SLC2A13: variants seen among roughly 807,000 people sequenced by gnomAD.
The protein encoded by SLC2A13 is solute carrier family 2 member 13.
SLC2A13 carries 32 observed loss-of-function variants against 64.4 expected under a neutral mutation model. The ratio of observed to expected loss-of-function variants is 0.50; its 90% CI spans 0.37 to 0.67. The LOEUF (loss-of-function observed/expected upper bound fraction) is 0.67, where lower values mean the gene tolerates loss of function less well. Among genes scored for constraint, SLC2A13 ranks in the 30% least tolerant of loss-of-function variants. The pLI, the probability that SLC2A13 is intolerant of heterozygous loss-of-function variation, is 0.00. For missense variants in SLC2A13, 743 were observed against 829.2 expected (o/e 0.90, Z 1.28); for synonymous variants, 338 against 327.1 (o/e 1.03, Z -0.36).
chr12:39,798,373 C>A (rs148287146), intron 7 of SLC2A13, among the ~76,000 whole-genome samples: 1 of 152,122 alleles, frequency 6.6e-6, no homozygotes, highest in African/African-American at 2.4e-5. Context: ...TTTAGAGTCA[C>A]TTGTGGCATA....
intron 4 of SLC2A13, among the ~76,000 whole-genome samples, chr12:39,881,698 A>C (rs1944338961): frequency 6.6e-6 from 1 of 152,146 alleles, no homozygotes. Context: ...TAACCTTCTT[A>C]CACCTTGGAT....
intron 4 of SLC2A13, among the ~76,000 whole-genome samples, chr12:39,939,623 T>G (rs1027296116): frequency 2.6e-5 from 4 of 152,206 alleles, no homozygotes; most frequent in African/African-American, 9.6e-5. Context: ...CTAGATTGTC[T>G]TTCTTCAAAG....
rs532052300 is a variant in SLC2A13, at chr12:39,842,437, T to C, written c.1320-12209A>G. 1.3e-3 allele frequency among the ~76,000 whole-genome samples: 199 copies of C among 152,160 alleles called. 2 individuals are homozygous for C. The highest frequency in any genetic ancestry group is 4.4e-3 in the African/African-American group (183 of 41,554). On this transcript the variant is annotated intron_variant, in intron 6 of 9. Transcript: ENST00000280871. ...TTTAGTTTGTTGAAATGTAAAGTTA[T>C]GCCATTGAGAAAACTGATCAGCATA... is the stretch of plus-strand genomic sequence containing the variant.
At chr12:40,006,266 A>G (rs1292517598) in intron 3 of SLC2A13, among the ~76,000 whole-genome samples, 7 of 152,244 alleles carry the variant, frequency 4.6e-5, no homozygotes, top group Admixed American at 4.6e-4. Context: ...AAGCTGTAAC[A>G]GAGTGGCAAG....
chr12:39,827,039 C>T (rs1188779318), intron 7 of SLC2A13, among the ~76,000 whole-genome samples: 2 of 150,326 alleles, frequency 1.3e-5, no homozygotes, highest in Non-Finnish European at 3.0e-5. Context: ...TTAACTTTTG[C>T]ACCAGCCTGA....
chr12:39,775,129 A>AGAT (rs1940730482), intron 7 of SLC2A13, among the ~76,000 whole-genome samples: 1 of 152,230 alleles, frequency 6.6e-6, no homozygotes, highest in South Asian at 2.1e-4. Context: ...ATTTATCACA[A>AGAT]GATTAACATA....
chr12:39,937,638 C>T (rs950960084), intron 4 of SLC2A13, among the ~76,000 whole-genome samples: 1 of 152,100 alleles, frequency 6.6e-6, no homozygotes, highest in Non-Finnish European at 1.5e-5. Flanking sequence ...CCTGAGGCAC[C>T]TGAAACCTTA....
At chr12:40,040,446 G>A (rs1948066152) in intron 2 of SLC2A13, among the ~76,000 whole-genome samples, 2 of 152,202 alleles carry the variant, frequency 1.3e-5, no homozygotes, top group African/African-American at 4.8e-5. Context: ...AGGTTGGAGT[G>A]CAGTGGCGTG....
chr12:39,779,089 G>A (rs1940882504), intron 7 of SLC2A13, among the ~76,000 whole-genome samples: 1 of 152,174 alleles, frequency 6.6e-6, no homozygotes, highest in Non-Finnish European at 1.5e-5. Flanking sequence ...CTGGCCCCAA[G>A]GGCTGGCATA....
intron 3 of SLC2A13, among the ~76,000 whole-genome samples, chr12:39,987,115 A>G (rs970032566): frequency 2.6e-5 from 4 of 152,198 alleles, no homozygotes; most frequent in African/African-American, 7.2e-5. Flanking sequence ...GCCTAAGTTA[A>G]TCATAGCTCC....
intron 4 of SLC2A13, among the ~76,000 whole-genome samples, chr12:39,927,191 C>T (rs1945744861): frequency 6.6e-6 from 1 of 152,070 alleles, no homozygotes; most frequent in African/African-American, 2.4e-5. Flanking sequence ...CTTTTGAGTC[C>T]ACACCCATTC....
intron 3 of SLC2A13, among the ~76,000 whole-genome samples, chr12:39,960,177 G>A (rs917715185): frequency 1.3e-5 from 2 of 152,002 alleles, no homozygotes; most frequent in African/African-American, 4.8e-5. Context: ...TATTGATTCC[G>A]CAGTACCTGA....
intron 4 of SLC2A13, among the ~76,000 whole-genome samples, chr12:39,919,601 G>A (rs948088118): frequency 1.3e-5 from 2 of 151,968 alleles, no homozygotes; most frequent in African/African-American, 4.8e-5. Flanking sequence ...CATGTTCTGA[G>A]AATACTGTAT....
chr12:39,871,873 A>G lies in SLC2A13; in HGVS notation c.1123T>C (p.Phe375Leu). The G allele has an allele frequency of 6.2e-7, 1 of 1,612,384 alleles. No individual in the cohort carries two copies. The highest frequency in any genetic ancestry group is 8.5e-7 in the Non-Finnish European group (1 of 1,179,292). ...CAGACTCCCACAAGTGTGAAAATGA[A>G]ATTTGTGAAGGCTGTAACTGAAGCC... ...WLASVTAFTN[F>L]IFTLVGVWLV... The change falls in exon 5 of 10, where the codon TTC (phenylalanine) becomes CTC (leucine). Residue 375 changes from phenylalanine (F) to leucine (L), a missense_variant. Phe to Leu is a conservative substitution (Grantham distance 22, BLOSUM62 0). Transcript: ENST00000280871.
intron 1 of SLC2A13, among the ~76,000 whole-genome samples, chr12:40,088,327 G>A (rs1938653737): frequency 6.6e-6 from 1 of 152,146 alleles, no homozygotes; most frequent in South Asian, 2.1e-4. Context: ...TATTTTAACT[G>A]CTCTCTCTAA....
intron 7 of SLC2A13, among the ~76,000 whole-genome samples, chr12:39,825,333 C>A (rs1371955906): frequency 2.6e-5 from 4 of 152,046 alleles, no homozygotes; most frequent in African/African-American, 9.7e-5. Flanking sequence ...AATTCTAATG[C>A]CTGATTTGTC....
intron 6 of SLC2A13, among the ~76,000 whole-genome samples, chr12:39,860,757 G>T (rs893302405): frequency 6.6e-6 from 1 of 152,004 alleles, no homozygotes; most frequent in African/African-American, 2.4e-5. Context: ...AATACACTGA[G>T]AATCTGTCTA....
intron 1 of SLC2A13, among the ~76,000 whole-genome samples, chr12:40,101,581 A>G (rs1011738572): frequency 1.3e-5 from 2 of 152,218 alleles, no homozygotes; most frequent in African/African-American, 2.4e-5. Context: ...AAACCCTCAC[A>G]TCTCAGATTC....
At chr12:40,063,434 C>T (rs1324834776) in intron 1 of SLC2A13, among the ~76,000 whole-genome samples, 1 of 149,744 alleles carries the variant, frequency 6.7e-6, no homozygotes, top group Non-Finnish European at 1.5e-5. Context: ...AACAATTCAT[C>T]GAAGCATAAT....
Sources: gnomAD v4.1 joint callset for allele counts (sites outside exome capture counted in the v4.1 genomes callset) on GRCh38, gnomAD v4.1.1 for gene constraint, MANE v1.5 for transcripts, NCBI Gene and HGNC (gene_info 2026-07-23, HGNC 2026-07-21) for gene names.